CDKAL1: variants seen among roughly 807,000 people sequenced by gnomAD.
CDKAL1 encodes the protein CDKAL1 threonylcarbamoyladenosine tRNA methylthiotransferase, also known as threonylcarbamoyladenosine tRNA methylthiotransferase.
CDKAL1 carries 32 observed loss-of-function variants against 68.2 expected under a neutral mutation model. The observed-to-expected ratio is 0.47, with a 90% CI of 0.35 to 0.63. CDKAL1 has a LOEUF of 0.63. Among genes scored for constraint, CDKAL1 ranks in the 30% least tolerant of loss-of-function variants. The probability of loss-of-function intolerance (pLI) is 0.00; values close to 1 mark genes in which losing one functional copy is unlikely to be tolerated. For missense variants in CDKAL1, 606 were observed against 696.7 expected (o/e 0.87, Z 1.47); for synonymous variants, 234 against 244.3 (o/e 0.96, Z 0.39).
At chr6:20,974,978 CAAAAAAAAA>C (rs11330322) in intron 10 of CDKAL1, among the ~76,000 whole-genome samples, 6 of 62,932 alleles carry the variant, frequency 9.5e-5, no homozygotes, top group African/African-American at 3.8e-4. Flanking sequence ...GACCCTATCT[CAAAAAAAAA>C]AAAAAAAAAA....
At position 20,677,940 on chromosome 6, in the gene CDKAL1, T is replaced by C. The variant is rs561605398; in HGVS notation, c.371+28563T>C. 2.2e-4 allele frequency among the ~76,000 whole-genome samples: 33 copies of C among 152,300 alleles called. 1 individual carries two copies. In the South Asian group the frequency reaches 6.6e-3, roughly 31 times the overall value. On this transcript the variant is annotated intron_variant, in intron 5 of 15. Coordinates refer to ENST00000274695, the MANE Select transcript of CDKAL1 (RefSeq NM_017774.3). ...TAATTTTATTGCAATGTGATCAGAG[T>C]TATTTTTAATTTTTCTGCTTTAAAG...
At chr6:20,562,525 G>C (rs1008094769) in intron 4 of CDKAL1, among the ~76,000 whole-genome samples, 3 of 152,064 alleles carry the variant, frequency 2.0e-5, no homozygotes, top group African/African-American at 7.2e-5. Flanking sequence ...GATCACTTGA[G>C]GTTAGGAGTT....
At chr6:20,998,534 C>T (rs1767246089) in intron 10 of CDKAL1, among the ~76,000 whole-genome samples, 1 of 151,856 alleles carries the variant, frequency 6.6e-6, no homozygotes, top group Admixed American at 6.6e-5. Flanking sequence ...TCACTTGAAC[C>T]CGGGAGGTGG....
At chr6:20,715,936 A>T (rs1410205576) in intron 5 of CDKAL1, among the ~76,000 whole-genome samples, 1 of 152,116 alleles carries the variant, frequency 6.6e-6, no homozygotes, top group Non-Finnish European at 1.5e-5. Flanking sequence ...TCTGATATGG[A>T]TTTATTTTAC....
intron 9 of CDKAL1, among the ~76,000 whole-genome samples, chr6:20,944,917 T>C (rs1394720272): frequency 6.6e-6 from 1 of 152,216 alleles, no homozygotes; most frequent in Non-Finnish European, 1.5e-5. Flanking sequence ...TGCTAACTGG[T>C]ATATCTGTCA....
chr6:21,015,269 T>C (rs773333369), intron 11 of CDKAL1, among the ~76,000 whole-genome samples: 10 of 152,248 alleles, frequency 6.6e-5, no homozygotes, highest in Non-Finnish European at 1.2e-4. Flanking sequence ...CTTTAGTCAA[T>C]TTTGATCAAT....
intron 9 of CDKAL1, among the ~76,000 whole-genome samples, chr6:20,896,969 C>T (rs1366153016): frequency 6.6e-6 from 1 of 152,210 alleles, no homozygotes; most frequent in Non-Finnish European, 1.5e-5. Context: ...TCTACTTGGA[C>T]TGCTATTACA....
chr6:21,067,870 G>C (rs1771541673), intron 12 of CDKAL1, among the ~76,000 whole-genome samples: 1 of 151,960 alleles, frequency 6.6e-6, no homozygotes, highest in African/African-American at 2.4e-5. Context: ...ACCAGCTCTT[G>C]GTATTGTTAC....
intron 5 of CDKAL1, among the ~76,000 whole-genome samples, chr6:20,698,151 T>C (rs760865014): frequency 6.6e-6 from 1 of 152,194 alleles, no homozygotes; most frequent in African/African-American, 2.4e-5. Flanking sequence ...TGTATTGCAG[T>C]GTGTCTGTCT....
At chr6:21,146,329 A>T (rs866637774) in intron 13 of CDKAL1, among the ~76,000 whole-genome samples, 12 of 152,120 alleles carry the variant, frequency 7.9e-5, no homozygotes, top group Non-Finnish European at 1.5e-4. Flanking sequence ...TCTTCATAAA[A>T]ATTGACCAAA....
intron 9 of CDKAL1, among the ~76,000 whole-genome samples, chr6:20,927,275 C>T (rs1763229483): frequency 6.6e-6 from 1 of 152,022 alleles, no homozygotes; most frequent in African/African-American, 2.4e-5. Context: ...GGCAGGGGAC[C>T]CCCTTGTGAA....
intron 4 of CDKAL1, among the ~76,000 whole-genome samples, chr6:20,608,325 GGAAATTGAAAATTTAA>G (rs936691899): frequency 2.6e-5 from 4 of 152,018 alleles, no homozygotes; most frequent in Admixed American, 1.3e-4. Context: ...GTATACTTAA[GGAAATTGAAAATTTAA>G]GAAATTGAAA....
intron 13 of CDKAL1, among the ~76,000 whole-genome samples, chr6:21,155,003 A>ACC (rs1776583002): frequency 1.6e-5 from 2 of 125,428 alleles, no homozygotes; most frequent in African/African-American, 6.2e-5. Context: ...CCCCCCCCAA[A>ACC]AAAAAAAAAT....
intron 8 of CDKAL1, among the ~76,000 whole-genome samples, chr6:20,791,780 A>G (rs778139173): frequency 6.6e-6 from 1 of 152,180 alleles, no homozygotes; most frequent in African/African-American, 2.4e-5. Context: ...AGGGACTGCT[A>G]AATCATATAG....
intron 9 of CDKAL1, among the ~76,000 whole-genome samples, chr6:20,926,204 A>G (rs939710452): frequency 3.9e-5 from 6 of 152,116 alleles, no homozygotes; most frequent in East Asian, 1.9e-4. Context: ...AAATCTAACT[A>G]TATGGTATGT....
intron 9 of CDKAL1, among the ~76,000 whole-genome samples, chr6:20,927,146 C>T (rs975300407): frequency 5.9e-5 from 9 of 152,074 alleles, no homozygotes; most frequent in African/African-American, 9.7e-5. Flanking sequence ...ACTTTAATTT[C>T]GTAAGCTATT....
chr6:20,846,829 A>G (rs1561827162), intron 9 of CDKAL1, among the ~76,000 whole-genome samples: 3 of 152,252 alleles, frequency 2.0e-5, no homozygotes, highest in Admixed American at 6.5e-5. Flanking sequence ...GTGTGGACAT[A>G]TAACTGCTCA....
At chr6:21,107,596 T>A (rs1300446888) in intron 12 of CDKAL1, among the ~76,000 whole-genome samples, 1 of 151,608 alleles carries the variant, frequency 6.6e-6, no homozygotes, top group African/African-American at 2.4e-5. Flanking sequence ...CCCAGCTAAT[T>A]TTTTTTTGTA....
At position 20,736,900 on chromosome 6, in the gene CDKAL1, G is replaced by A. The variant is rs183744025; in HGVS notation, c.372-2619G>A. ...TTAGGGCAAACAGAAGGGGAATGTC[G>A]ATGTCAAATGTATTGACATTTTACA... On this transcript the variant is annotated intron_variant, in intron 5 of 15. Transcript: ENST00000274695. Among the ~76,000 whole-genome samples, 8 of 152,044 alleles carry A rather than the reference G, an allele frequency of 5.3e-5. 1 individual carries two copies. Among genetic ancestry groups the A allele is most frequent in the Admixed American group, 2.6e-4 (4 of 15,270 alleles).
Sources: allele counts gnomAD v4.1 joint callset (sites outside exome capture counted in the v4.1 genomes callset), GRCh38; gene constraint gnomAD v4.1.1; transcripts MANE v1.5; gene names NCBI Gene and HGNC (gene_info 2026-07-23, HGNC 2026-07-21).